ENPP3: variants seen among roughly 807,000 people sequenced by gnomAD.
ENPP3 encodes the protein ectonucleotide pyrophosphatase/phosphodiesterase 3, also known as ectonucleotide pyrophosphatase/phosphodiesterase family member 3.
A neutral mutation model predicts 117.8 loss-of-function variants in ENPP3; 104 were observed. That is an observed-to-expected ratio of 0.88 (90% CI 0.75 to 1.04). The LOEUF is 1.04. ENPP3 is among the 50% of genes least tolerant of loss of function. The probability of loss-of-function intolerance (pLI) is 0.00; values close to 1 mark genes in which losing one functional copy is unlikely to be tolerated. For missense variants in ENPP3, 1,026 were observed against 1,051.9 expected, an observed-to-expected ratio of 0.98 and a Z score of 0.34; for synonymous variants, 380 against 349.9, an observed-to-expected ratio of 1.09 and a Z score of -0.96.
intron 5 of ENPP3, among the ~76,000 whole-genome samples, chr6:131,654,316 T>A (rs1311795308): frequency 6.6e-6 from 1 of 152,042 alleles, no homozygotes; most frequent in Non-Finnish European, 1.5e-5. Flanking sequence ...TTTTTGTATT[T>A]TTTTTGTACA....
chr6:131,698,315 G>A (rs1385584081), intron 15 of ENPP3, among the ~76,000 whole-genome samples: 5 of 142,818 alleles, frequency 3.5e-5, no homozygotes, highest in Non-Finnish European at 6.1e-5. Flanking sequence ...AGCTCCTTTC[G>A]GGAGGGGAGG....
Position 131,661,077 on chromosome 6 carries a change from C to T in ENPP3, c.562+2657C>T, listed in dbSNP as rs1265456313. 2.0e-5 allele frequency among the ~76,000 whole-genome samples: 3 copies of T among 152,074 alleles called. No homozygotes were observed. In the East Asian group the frequency reaches 5.8e-4, roughly 29 times the overall value. On this transcript the variant is annotated intron_variant, in intron 6 of 24. Transcript: ENST00000357639. ...GCAAGATTTTCCTCTTTTATTAAGG[C>T]CAAATAATATTCCATTGTATGTATA...
chr6:131,658,841 C>A (rs930071301), intron 6 of ENPP3, among the ~76,000 whole-genome samples: 2 of 152,168 alleles, frequency 1.3e-5, no homozygotes, highest in South Asian at 4.1e-4. Context: ...ATATCAAGTC[C>A]AGGATCTATT....
At chr6:131,685,569 A>G in intron 13 of ENPP3, 74 bp downstream of exon 13, 1 of 1,491,488 alleles carries the variant, frequency 6.7e-7, no homozygotes, top group Non-Finnish European at 9.2e-7. Context: ...TAATTCTGAG[A>G]GGAAGTTGGG....
At position 131,724,030 on chromosome 6, in the gene ENPP3, T is replaced by C. The variant is rs1357049654; in HGVS notation, c.1747-10T>C. 1.2e-6 allele frequency: 2 copies of C among 1,605,228 alleles called. No individual in the cohort carries two copies. Among genetic ancestry groups the C allele is most frequent in the Non-Finnish European group, 1.7e-6 (2 of 1,173,270 alleles). On this transcript the variant is annotated splice_polypyrimidine_tract_variant and intron_variant, in intron 18 of 24. Coordinates refer to ENST00000357639, the MANE Select transcript of ENPP3 (RefSeq NM_005021.5). ...TTTCCTCCCCTTTCCCATCCCTCAT[T>C]ATCTTGCAGAGTACTCAGCTGGAAC...
intron 23 of ENPP3, among the ~76,000 whole-genome samples, chr6:131,738,968 TCTAC>T (rs1396260624): frequency 6.6e-6 from 1 of 152,306 alleles, no homozygotes; most frequent in East Asian, 1.9e-4. Flanking sequence ...CAGTATTGAC[TCTAC>T]CTTTCACAAT....
At chr6:131,691,810 A>G (rs1466276843) in intron 14 of ENPP3, among the ~76,000 whole-genome samples, 6 of 152,162 alleles carry the variant, frequency 3.9e-5, no homozygotes, top group African/African-American at 7.2e-5. Context: ...TCTTGGGGGA[A>G]GCTGCATACT....
In ENPP3 at chr6:131,727,511, C is replaced by T. The variant is rs954321211; in HGVS notation, c.1953+1311C>T. 1.1e-4 allele frequency among the ~76,000 whole-genome samples: 16 copies of T among 144,086 alleles called. No homozygotes were observed. In the South Asian group the frequency reaches 1.6e-3, roughly 14 times the overall value. 94.5% of individuals were successfully genotyped at this position (144,086 alleles called of 152,430 possible). A position where few individuals can be genotyped will look rare whatever the true frequency, so the allele number is the denominator to read the frequency against. ...TGGAGGTTGCAGTGAGCCAAGATCG[C>T]GCCATTACACTCCAGCCTGAGCAAC... On this transcript the variant is annotated intron_variant, in intron 20 of 24. Coordinates refer to ENST00000357639, the MANE Select transcript of ENPP3 (RefSeq NM_005021.5).
At chr6:131,672,157 C>T (rs1778757910) in intron 7 of ENPP3, among the ~76,000 whole-genome samples, 1 of 152,270 alleles carries the variant, frequency 6.6e-6, no homozygotes, top group East Asian at 1.9e-4. Context: ...CAAAGAAGCA[C>T]AAAAAGTTGA....
At chr6:131,696,733 G>T (rs1585681920) in intron 15 of ENPP3, among the ~76,000 whole-genome samples, 1 of 151,228 alleles carries the variant, frequency 6.6e-6, no homozygotes, top group African/African-American at 2.4e-5. Context: ...TCCTTCAAAG[G>T]CACCTTTTTT....
At chr6:131,715,666 G>A (rs1585707899) in intron 15 of ENPP3, among the ~76,000 whole-genome samples, 1 of 151,942 alleles carries the variant, frequency 6.6e-6, no homozygotes. Flanking sequence ...GGCATTTGGA[G>A]CAGCCACTCT....
rs1435238449 is a variant in ENPP3, at chr6:131,652,504, G to A, written c.278-38G>A. The A allele has an allele frequency of 2.5e-6, 4 of 1,606,532 alleles. No individual in the cohort carries two copies. The South Asian group carries it at 3.3e-5, about 13-fold the overall frequency. ...TGAAATTTGTATATTTTATACTGCAGGCTTAAATGCTCAGAACTGAATTGT... is the reference window on the plus strand; with the variant it reads ...TGAAATTTGTATATTTTATACTGCAAGCTTAAATGCTCAGAACTGAATTGT... On this transcript the variant is annotated intron_variant, in intron 3 of 24. Coordinates refer to ENST00000357639, the MANE Select transcript of ENPP3 (RefSeq NM_005021.5).
At chr6:131,679,034 T>TC (rs1778956289) in intron 11 of ENPP3, among the ~76,000 whole-genome samples, 4 of 91,312 alleles carry the variant, frequency 4.4e-5, no homozygotes, top group African/African-American at 1.8e-4. Context: ...TCCTTCTTTC[T>TC]TTCTTTCTTT....
intron 14 of ENPP3, among the ~76,000 whole-genome samples, chr6:131,693,236 G>A (rs537408400): frequency 6.6e-6 from 1 of 151,368 alleles, no homozygotes; most frequent in East Asian, 1.9e-4. Context: ...GAGTGCAATG[G>A]GGTGATCTTG....
intron 9 of ENPP3, among the ~76,000 whole-genome samples, chr6:131,676,398 C>A (rs1778869080): frequency 6.6e-6 from 1 of 151,972 alleles, no homozygotes; most frequent in East Asian, 1.9e-4. Context: ...TTTGAATGAA[C>A]AAATAGTATC....
At chr6:131,650,643 G>A (rs565000908) in intron 3 of ENPP3, among the ~76,000 whole-genome samples, 25 of 152,314 alleles carry the variant, frequency 1.6e-4, no homozygotes, top group African/African-American at 6.0e-4. Flanking sequence ...TTGGAGACTG[G>A]AAGTCCAACT....
chr6:131,716,744 G>A (rs77147799), intron 15 of ENPP3, among the ~76,000 whole-genome samples: 2 of 39,680 alleles, frequency 5.0e-5, no homozygotes, highest in African/African-American at 2.6e-4. Context: ...TGAGATGGGT[G>A]GAACACTTGA....
At chr6:131,719,059 A>G (rs778764911) in intron 16 of ENPP3, among the ~76,000 whole-genome samples, 7 of 152,272 alleles carry the variant, frequency 4.6e-5, no homozygotes, top group Admixed American at 4.6e-4. Context: ...TTATGTCAGA[A>G]GGTAAATGCT....
At chr6:131,678,917 CTTTCTT>C (rs1778934660) in intron 11 of ENPP3, among the ~76,000 whole-genome samples, 1 of 66,508 alleles carries the variant, frequency 1.5e-5, no homozygotes, top group African/African-American at 8.4e-5. Flanking sequence ...CTCTTTCTTT[CTTTCTT>C]TCTTTCTTTC....
Sources: gnomAD v4.1 joint callset for allele counts (sites outside exome capture counted in the v4.1 genomes callset) on GRCh38, gnomAD v4.1.1 for gene constraint, MANE v1.5 for transcripts, NCBI Gene and HGNC (gene_info 2026-07-23, HGNC 2026-07-21) for gene names.